Variants in ROBO2 observed in about 807,000 individuals in gnomAD.
The protein encoded by ROBO2 is roundabout guidance receptor 2, also known as roundabout homolog 2.
In ROBO2, 53 loss-of-function variants were observed where a neutral mutation model predicts 160.8. That is an observed-to-expected ratio of 0.33 (90% CI 0.26 to 0.41). ROBO2 has a LOEUF of 0.41. Ranked by LOEUF, ROBO2 falls within the 10% of genes least tolerant of loss-of-function variation. The pLI is 1.00. For missense variants in ROBO2, 1,577 were observed against 1,722.4 expected, an observed-to-expected ratio of 0.92 and a Z score of 1.49; for synonymous variants, 664 against 611.7, an observed-to-expected ratio of 1.09 and a Z score of -1.26.
chr3:76,100,089 T>G (rs1453264124), intron 2 of ROBO2, among the ~76,000 whole-genome samples: 1 of 152,184 alleles, frequency 6.6e-6, no homozygotes, highest in East Asian at 1.9e-4. Flanking sequence ...ATTAAGAAGA[T>G]CGACTAGAAC....
At chr3:77,454,563 C>G (rs1365300360) in intron 2 of ROBO2, among the ~76,000 whole-genome samples, 1 of 152,188 alleles carries the variant, frequency 6.6e-6, no homozygotes, top group South Asian at 2.1e-4. Flanking sequence ...ATCACTCTAA[C>G]TCTCTACTGG....
chr3:76,967,540 T>A (rs980001492), intron 2 of ROBO2, among the ~76,000 whole-genome samples: 17 of 97,848 alleles, frequency 1.7e-4, no homozygotes, highest in African/African-American at 3.8e-4. Context: ...TTTTTTTTTT[T>A]AAACAATGTT....
chr3:77,637,451 A>G lies in ROBO2; in HGVS notation c.3934+2408A>G, dbSNP rs979224401. On this transcript the variant is annotated intron_variant, in intron 24 of 25. Transcript: ENST00000461745. ...TATCTTTCCTGCTTCCTTTGTTTTC[A>G]ATAGAATATGAAGGTTAAGGGTAGA... is the stretch of plus-strand genomic sequence containing the variant. Among the ~76,000 whole-genome samples, 17 of 152,300 alleles carry G rather than the reference A, an allele frequency of 1.1e-4. No homozygotes were observed. In the South Asian group the frequency reaches 3.5e-3, roughly 32 times the overall value.
chr3:76,620,672 A>C (rs2088994595), intron 2 of ROBO2, among the ~76,000 whole-genome samples: 1 of 152,200 alleles, frequency 6.6e-6, no homozygotes. Context: ...TATAGTTTAT[A>C]TGTACATATC....
chr3:75,961,198 T>C (rs1576307280), intron 2 of ROBO2, among the ~76,000 whole-genome samples: 2 of 151,696 alleles, frequency 1.3e-5, no homozygotes, highest in African/African-American at 4.8e-5. Context: ...GGCACTTTTT[T>C]TTATTGATCT....
At chr3:76,186,927 T>TTGAAACATC (rs200660866) in intron 2 of ROBO2, among the ~76,000 whole-genome samples, 3,720 of 152,164 alleles carry the variant, frequency 0.024, 234 homozygotes, top group East Asian at 0.22. Flanking sequence ...TACATTCATA[T>TTGAAACATC]TGAAACATCT....
intron 2 of ROBO2, among the ~76,000 whole-genome samples, chr3:77,295,002 G>C (rs904470571): frequency 3.3e-5 from 5 of 151,400 alleles, no homozygotes; most frequent in African/African-American, 1.2e-4. Flanking sequence ...ACGGTTAAAC[G>C]GATAAGCTGA....
intron 2 of ROBO2, among the ~76,000 whole-genome samples, chr3:77,264,254 C>A (rs2058976633): frequency 6.6e-6 from 1 of 152,158 alleles, no homozygotes; most frequent in African/African-American, 2.4e-5. Context: ...GTTCATAAAT[C>A]TTGATCTAGG....
intron 2 of ROBO2, among the ~76,000 whole-genome samples, chr3:77,288,731 G>A (rs1049038342): frequency 2.6e-5 from 4 of 152,026 alleles, no homozygotes; most frequent in Admixed American, 1.3e-4. Flanking sequence ...TACAATTAGA[G>A]GATTGCATTC....
chr3:77,129,736 A>G (rs1361277743), intron 2 of ROBO2, among the ~76,000 whole-genome samples: 1 of 152,178 alleles, frequency 6.6e-6, no homozygotes, highest in East Asian at 1.9e-4. Context: ...CATCTCATCG[A>G]TTTGCTGAGC....
intron 2 of ROBO2, among the ~76,000 whole-genome samples, chr3:76,683,350 G>A (rs890258369): frequency 3.3e-5 from 5 of 149,302 alleles, no homozygotes; most frequent in African/African-American, 1.2e-4. Flanking sequence ...TATAGCTGCT[G>A]ATTTTTTTTT....
At chr3:76,272,149 G>A (rs1342012673) in intron 2 of ROBO2, among the ~76,000 whole-genome samples, 2 of 152,088 alleles carry the variant, frequency 1.3e-5, no homozygotes, top group African/African-American at 4.8e-5. Context: ...GACTCTCAAG[G>A]ACAGTGATTT....
chr3:77,417,570 G>A (rs901399771), intron 2 of ROBO2, among the ~76,000 whole-genome samples: 6 of 152,030 alleles, frequency 3.9e-5, no homozygotes, highest in African/African-American at 1.4e-4. Context: ...ACCATTTAAT[G>A]TCAGAATAGA....
At chr3:77,202,946 C>A (rs1444524373) in intron 2 of ROBO2, among the ~76,000 whole-genome samples, 1 of 152,164 alleles carries the variant, frequency 6.6e-6, no homozygotes, top group Non-Finnish European at 1.5e-5. Flanking sequence ...AGCAGAGATG[C>A]CCTTATCCAC....
At chr3:77,290,083 T>C (rs1482590916) in intron 2 of ROBO2, among the ~76,000 whole-genome samples, 1 of 150,780 alleles carries the variant, frequency 6.6e-6, no homozygotes, top group Non-Finnish European at 1.5e-5. Context: ...AAAGTAAAAT[T>C]GACGGTTAAA....
chr3:77,615,911 G>T (rs1027070431), intron 21 of ROBO2, among the ~76,000 whole-genome samples: 3 of 152,168 alleles, frequency 2.0e-5, no homozygotes, highest in African/African-American at 7.2e-5. Context: ...TTGTAAGAGA[G>T]ATCAAGACTA....
chr3:76,428,822 T>C (rs77732548), intron 2 of ROBO2, among the ~76,000 whole-genome samples: 1,608 of 152,280 alleles, frequency 0.011, 22 homozygotes, highest in African/African-American at 0.037. Context: ...CTACTGAAGC[T>C]GGTTCCTCGA....
chr3:76,801,448 A>G (rs2064187995), intron 2 of ROBO2, among the ~76,000 whole-genome samples: 1 of 152,152 alleles, frequency 6.6e-6, no homozygotes, highest in African/African-American at 2.4e-5. Flanking sequence ...GTAAATAATA[A>G]ATGCTTGAGG....
At chr3:76,531,622 T>G in intron 2 of ROBO2, among the ~76,000 whole-genome samples, 1 of 145,760 alleles carries the variant, frequency 6.9e-6, no homozygotes, top group East Asian at 2.0e-4. Flanking sequence ...TACAGTTTCT[T>G]TTTTTTTTTT....
Sources: allele counts gnomAD v4.1 joint callset (sites outside exome capture counted in the v4.1 genomes callset), GRCh38; gene constraint gnomAD v4.1.1; transcripts MANE v1.5; gene names NCBI Gene and HGNC (gene_info 2026-07-23, HGNC 2026-07-21).